PALM2AKAP2: variants seen among roughly 807,000 people sequenced by gnomAD.
PALM2AKAP2 encodes the protein PALM2-AKAP2 fusion protein.
Under a neutral mutation model 71.5 loss-of-function variants are expected in PALM2AKAP2, and 37 were observed. The observed-to-expected ratio is 0.52, with a 90% CI of 0.40 to 0.68. PALM2AKAP2 has a LOEUF of 0.68. Among genes scored for constraint, PALM2AKAP2 ranks in the 30% least tolerant of loss-of-function variants. The probability of loss-of-function intolerance (pLI) is 0.00; values close to 1 mark genes in which losing one functional copy is unlikely to be tolerated. For missense variants in PALM2AKAP2, 1,224 were observed against 1,191.8 expected (o/e 1.03, Z -0.40); for synonymous variants, 468 against 478.8 (o/e 0.98, Z 0.29).
intron 3 of PALM2AKAP2, among the ~76,000 whole-genome samples, chr9:109,889,609 C>T (rs1265156490): frequency 6.6e-6 from 1 of 152,178 alleles, no homozygotes; most frequent in African/African-American, 2.4e-5. Flanking sequence ...TTGTGGTCAG[C>T]TTTGCAAGCT....
chr9:109,898,379 C>G (rs1156725587), intron 3 of PALM2AKAP2, among the ~76,000 whole-genome samples: 1 of 152,214 alleles, frequency 6.6e-6, no homozygotes, highest in Non-Finnish European at 1.5e-5. Flanking sequence ...AAGGAAGCAG[C>G]TCTCAAAAGA....
intron 1 of PALM2AKAP2, among the ~76,000 whole-genome samples, chr9:109,803,651 C>T (rs1011358587): frequency 3.9e-5 from 6 of 152,186 alleles, no homozygotes; most frequent in Admixed American, 6.5e-5. Context: ...TGATGTGGCT[C>T]TTGAGGGAAC....
intron 3 of PALM2AKAP2, among the ~76,000 whole-genome samples, chr9:109,900,025 A>G (rs1204291527): frequency 6.6e-6 from 1 of 152,212 alleles, no homozygotes; most frequent in Non-Finnish European, 1.5e-5. Flanking sequence ...GCCAGGCTCA[A>G]TGGGTTTTCA....
chr9:110,146,184 C>T (rs903809963), intron 2 of PALM2AKAP2, among the ~76,000 whole-genome samples: 1 of 152,068 alleles, frequency 6.6e-6, no homozygotes, highest in Non-Finnish European at 1.5e-5. Context: ...GGATTACAGG[C>T]GTGAGCCACC....
chr9:109,931,911 T>C lies in PALM2AKAP2; in HGVS notation c.395-16T>C. The C allele has an allele frequency of 1.9e-6, 3 of 1,613,146 alleles. No individual in the cohort carries two copies. The highest frequency in any genetic ancestry group is 1.1e-5 in the South Asian group (1 of 90,906). Reference sequence around the variant, plus strand: ...CAACACTGTGACTAATTGTATTCCCTGTTCTCTGCTACCAGATGCAGTAAA... The same window carrying C: ...CAACACTGTGACTAATTGTATTCCCCGTTCTCTGCTACCAGATGCAGTAAA... On this transcript the variant is annotated splice_polypyrimidine_tract_variant and intron_variant, in intron 5 of 9. Transcript: ENST00000302798.
Position 109,702,408 on chromosome 9 carries a change from T to A in PALM2AKAP2, c.5+61542T>A, listed in dbSNP as rs1224900553. ...ACATATACACCATGGAATACTATGCTGCCATAAAAAAGGATGAGTTCGTGT... is the reference window on the plus strand; with the variant it reads ...ACATATACACCATGGAATACTATGCAGCCATAAAAAAGGATGAGTTCGTGT... On this transcript the variant is annotated intron_variant, in intron 1 of 6. Transcript: ENST00000374531. Among the ~76,000 whole-genome samples, 5 of 152,256 alleles carry A rather than the reference T, an allele frequency of 3.3e-5. No individual in the cohort carries two copies. In the East Asian group the frequency reaches 7.7e-4, roughly 23 times the overall value.
At chr9:110,072,396 G>A (rs1220877124) in intron 1 of PALM2AKAP2, among the ~76,000 whole-genome samples, 1 of 152,150 alleles carries the variant, frequency 6.6e-6, no homozygotes, top group African/African-American at 2.4e-5. Context: ...TCAAAAAACT[G>A]CCTGCTACTA....
chr9:110,138,065 G>T, exon 2 of PALM2AKAP2: 1 of 1,613,980 alleles, frequency 6.2e-7, no homozygotes, highest in Non-Finnish European at 8.5e-7. Context: ...TGTAGAGGAA[G>T]CTGAAGCTGC....
At chr9:110,087,971 G>T (rs1834611307) in intron 1 of PALM2AKAP2, among the ~76,000 whole-genome samples, 1 of 152,194 alleles carries the variant, frequency 6.6e-6, no homozygotes. Context: ...CATTTGTATT[G>T]TATGGTTCTG....
chr9:110,055,563 C>G (rs755455256), intron 1 of PALM2AKAP2, among the ~76,000 whole-genome samples: 23 of 152,174 alleles, frequency 1.5e-4, no homozygotes, highest in Non-Finnish European at 3.1e-4. Flanking sequence ...CGCTTACGAC[C>G]TAATCACCTC....
At chr9:110,005,756 C>G (rs1425575119) in intron 6 of PALM2AKAP2, among the ~76,000 whole-genome samples, 2 of 152,236 alleles carry the variant, frequency 1.3e-5, no homozygotes, top group Non-Finnish European at 2.9e-5. Context: ...TCGCTGCCGC[C>G]TTGCAGTTTG....
At chr9:109,669,845 T>G (rs924736651) in intron 1 of PALM2AKAP2, among the ~76,000 whole-genome samples, 2 of 152,012 alleles carry the variant, frequency 1.3e-5, no homozygotes, top group East Asian at 3.8e-4. Context: ...TTTAAGAGAT[T>G]TATTAACTAT....
rs1833470104 is a variant in PALM2AKAP2 at position 110,039,134 on chromosome 9, A to AGGAG, written c.582+23096_582+23097insGAGG. 6.6e-5 allele frequency among the ~76,000 whole-genome samples: 10 copies of AGGAG among 152,044 alleles called. No individual in the cohort carries two copies. In the South Asian group the frequency reaches 2.1e-3, roughly 32 times the overall value. On this transcript the variant is annotated intron_variant, in intron 7 of 9. Transcript: ENST00000302798. ...CATGCTGGCACATGCCTATAGACCC[A>AGGAG]GCTACGCAGGAGGCTGAGGTGGGAG...
intron 1 of PALM2AKAP2, among the ~76,000 whole-genome samples, chr9:109,676,921 G>C (rs999241951): frequency 1.3e-5 from 2 of 152,142 alleles, no homozygotes; most frequent in Non-Finnish European, 1.5e-5. Flanking sequence ...TACTGTAATT[G>C]AGTGTTATTT....
intron 6 of PALM2AKAP2, among the ~76,000 whole-genome samples, chr9:109,959,130 G>C (rs1024623149): frequency 6.6e-6 from 1 of 152,140 alleles, no homozygotes; most frequent in African/African-American, 2.4e-5. Flanking sequence ...CGTTGAGTTT[G>C]TGAGCAACAG....
At chr9:109,842,990 A>G (rs1393872351) in intron 1 of PALM2AKAP2, among the ~76,000 whole-genome samples, 1 of 151,276 alleles carries the variant, frequency 6.6e-6, no homozygotes, top group Non-Finnish European at 1.5e-5. Context: ...AAAATACAAA[A>G]TTTGCCGGGC....
rs577575335 is a variant in PALM2AKAP2, at chr9:110,135,675, A to T, written c.157-452A>T. 2.0e-5 allele frequency among the ~76,000 whole-genome samples: 3 copies of T among 152,328 alleles called. No homozygotes were observed. The South Asian group carries it at 6.2e-4, about 32-fold the overall frequency. On this transcript the variant is annotated intron_variant, in intron 1 of 3. Coordinates refer to ENST00000374525, the Ensembl canonical transcript of PALM2AKAP2. ...GGGATCTACTGTTTTCCAGTATTTT[A>T]TTCTGCAAAGATTTTCCAAAAAGTT...
At chr9:109,814,171 G>C in intron 1 of PALM2AKAP2, among the ~76,000 whole-genome samples, 1 of 152,194 alleles carries the variant, frequency 6.6e-6, no homozygotes, top group East Asian at 1.9e-4. Context: ...GACACAGTGG[G>C]TAAGCAAATG....
chr9:109,687,738 A>G (rs1330337829), intron 1 of PALM2AKAP2, among the ~76,000 whole-genome samples: 3 of 152,184 alleles, frequency 2.0e-5, no homozygotes, highest in African/African-American at 7.2e-5. Context: ...CTTTGCATTC[A>G]CAACTTGGCT....
Sources: gnomAD v4.1 joint callset for allele counts (sites outside exome capture counted in the v4.1 genomes callset) on GRCh38, gnomAD v4.1.1 for gene constraint, MANE v1.5 for transcripts, NCBI Gene and HGNC (gene_info 2026-07-23, HGNC 2026-07-21) for gene names.